The following ISYNA1 variants were observed in gnomAD, a reference collection of about 807,000 sequenced individuals.
ISYNA1 encodes the protein MI-1-P synthase.
A neutral mutation model predicts 50.3 loss-of-function variants in ISYNA1; 34 were observed. The ratio of observed to expected loss-of-function variants is 0.68; its 90% CI spans 0.51 to 0.90. The LOEUF (loss-of-function observed/expected upper bound fraction) is 0.90. Among genes scored for constraint, ISYNA1 ranks in the 40% least tolerant of loss-of-function variants. The probability of loss-of-function intolerance (pLI) is 0.00; values close to 1 mark genes in which losing one functional copy is unlikely to be tolerated. For missense variants in ISYNA1, 718 were observed against 784.8 expected (o/e 0.91, Z 1.02); for synonymous variants, 396 against 349.9 (o/e 1.13, Z -1.47).
chr19:18,435,854 T>G lies in ISYNA1; in HGVS notation c.1043A>C (p.Gln348Pro). Residue 348 changes from glutamine (Q) to proline (P), a missense_variant, in exon 8 of 11, where the codon CAG becomes CCG. Transcript: ENST00000338128. ...CTTGGACACCTCCTTAGAGCGGAAC[T>G]GCAATGGCGCCGATAGGTTCTCCCC... ...NDGENLSAPL[Q>P]FRSKEVSKSN... The G allele has an allele frequency of 6.2e-7, 1 of 1,614,036 alleles. No individual in the cohort carries two copies. The highest frequency in any genetic ancestry group is 8.5e-7 in the Non-Finnish European group (1 of 1,179,954).
Position 18,435,372 on chromosome 19 carries a change from C to A in ISYNA1, c.1366G>T (p.Val456Leu). 3 of 1,611,338 alleles carry A rather than the reference C, an allele frequency of 1.9e-6. No individual in the cohort carries two copies. Among genetic ancestry groups the A allele is most frequent in the Non-Finnish European group, 2.5e-6 (3 of 1,179,982 alleles). Residue 456 changes from valine to leucine, a missense_variant, in exon 10 of 11, where the codon GTG becomes TTG. Physicochemically the swap from Val to Leu is conservative, Grantham distance 32. Transcript: ENST00000338128. ...MDPEPQTFHP[V>L]LSLLSFLFKA... is the part of the protein sequence containing the mutation. The stretch of plus-strand genomic sequence containing the variant: ...AAGAGGAAGCTGAGCAGGGACAGCA[C>A]GGGGTGGAAGGTCTGCGGCTCGGGG...
intron 4 of ISYNA1, 24 bp downstream of exon 4, chr19:18,436,949 A>T: frequency 1.2e-6 from 1 of 861,110 alleles, no homozygotes; most frequent in South Asian, 1.3e-5. Context: ...ATCCCGCCCC[A>T]CCCCGGCCCA....
chr19:18,436,838 C>A lies in ISYNA1; in HGVS notation c.455G>T (p.Arg152Leu). The change falls in exon 5 of 11, where the codon CGG becomes CTG. Residue 152 changes from arginine (R) to leucine (L), a missense_variant. Arg to Leu is a moderately radical substitution (Grantham distance 102). Around this residue, in one of 3 missense-constraint regions of ISYNA1, gnomAD observed 403 missense variants for 466.6 expected, o/e 0.86. Transcript: ENST00000338128. ...ISSLNLAEAM[R>L]RAKVLDWGLQ... ...CCCCCAGTCCAGCACCTTCGCGCGC[C>A]GCATCGCCTCGGCCAGGTTCAGCGA... is the stretch of plus-strand genomic sequence containing the variant. The A allele has an allele frequency of 6.3e-7, 1 of 1,595,984 alleles. No individual in the cohort carries two copies.
chr19:18,437,846 G>A lies in ISYNA1; in HGVS notation c.120+14C>T. Reference sequence around the variant, plus strand: ...TCTCCCCAGCACGCCTCCTTCCTCAGCCCCCTGGTCCACCTTGAGAACGCC... The same window carrying A: ...TCTCCCCAGCACGCCTCCTTCCTCAACCCCCTGGTCCACCTTGAGAACGCC... On this transcript the variant is annotated intron_variant, in intron 2 of 10. Coordinates refer to ENST00000338128, the MANE Select transcript of ISYNA1 (RefSeq NM_016368.5). 6.2e-7 allele frequency: 1 copy of A among 1,610,794 alleles called. No individual in the cohort carries two copies. Among genetic ancestry groups the A allele is most frequent in the Non-Finnish European group, 8.5e-7 (1 of 1,179,628 alleles).
intron 3 of ISYNA1, chr19:18,437,311 A>G: frequency 7.1e-7 from 1 of 1,418,064 alleles, no homozygotes; most frequent in Non-Finnish European, 9.2e-7. Flanking sequence ...AAGACTCCCG[A>G]GGAGTCCCCG....
rs916399550 is a variant in ISYNA1, at chr19:18,438,070, T to A, written c.-10+23A>T. 5.0e-5 allele frequency: 68 copies of A among 1,372,964 alleles called. No homozygotes were observed. In the East Asian group the frequency reaches 1.5e-3, roughly 30 times the overall value. 85.0% of individuals were successfully genotyped at this position (1,372,964 alleles called of 1,614,324 possible). On this transcript the variant is annotated intron_variant, in intron 1 of 10. Coordinates refer to ENST00000338128, the MANE Select transcript of ISYNA1 (RefSeq NM_016368.5). The stretch of plus-strand genomic sequence containing the variant: ...CCAGCCTGGGTCCCCACGGAGGCCG[T>A]CCCTGCCCCGAACCGCACTCACCGG...
At chr19:18,437,211 T>C (rs1974094147) in intron 3 of ISYNA1, 106 bp from the exon 4 acceptor site, 2 of 1,455,392 alleles carry the variant, frequency 1.4e-6, no homozygotes, top group Non-Finnish European at 1.8e-6. Context: ...CTTTCGGGCA[T>C]TTTTCAGTTC....
rs1408567119 is a variant in ISYNA1, at chr19:18,436,364, T to C, written c.725A>G (p.Asn242Ser). The C allele has an allele frequency of 1.9e-6, 3 of 1,612,500 alleles. No homozygotes were observed. Among genetic ancestry groups the C allele is most frequent in the Non-Finnish European group, 1.7e-6 (2 of 1,179,894 alleles). Residue 242 changes from asparagine to serine, a missense_variant, in exon 6 of 11, where the codon AAC (asparagine) becomes AGC (serine). This residue lies in a region of ISYNA1 where 403 missense variants were observed against 466.6 expected (regional missense o/e 0.86). Transcript: ENST00000338128. ...ERFCEVIPGLNDTAENLLRTI... is the reference protein window; with the variant it reads ...ERFCEVIPGLSDTAENLLRTI... ...GCGCAGCAGGTTCTCGGCTGTGTCG[T>C]TGAGGCCTGGAATCACCTCACAGAA...
chr19:18,437,369 C>G (rs1330529626), intron 3 of ISYNA1: 2 of 1,311,844 alleles, frequency 1.5e-6, no homozygotes, highest in Non-Finnish European at 2.0e-6. Flanking sequence ...CCAGGCCCCG[C>G]CCCCTGCAAG....
In ISYNA1 at chr19:18,435,683, T is replaced by A. The variant is rs1366841503; in HGVS notation, c.1141-7A>T. ...GCACATACTTGATGACCACCTGGAG[T>A]GCAGCAGGAGTTTGCCCGGGTCCCT... On this transcript the variant is annotated splice_region_variant and splice_polypyrimidine_tract_variant and intron_variant, in intron 8 of 10. Transcript: ENST00000338128. 6.2e-7 allele frequency: 1 copy of A among 1,611,550 alleles called. No individual in the cohort carries two copies. Among genetic ancestry groups the A allele is most frequent in the Non-Finnish European group, 8.5e-7 (1 of 1,179,284 alleles).
At position 18,437,992 on chromosome 19, in the gene ISYNA1, G is replaced by C. The variant is rs1260592791; in HGVS notation, c.-9-4C>G. On this transcript the variant is annotated splice_polypyrimidine_tract_variant and splice_region_variant and intron_variant, in intron 1 of 10. Coordinates refer to ENST00000338128, the MANE Select transcript of ISYNA1 (RefSeq NM_016368.5). Reference sequence around the variant, plus strand: ...CGGCGGCCTCCATCGCGGCGGGCTGGGGGCCCGGGGTGAGCAGGGGGTCAG... The same window carrying C: ...CGGCGGCCTCCATCGCGGCGGGCTGCGGGCCCGGGGTGAGCAGGGGGTCAG... The C allele has an allele frequency of 1.9e-6, 3 of 1,556,474 alleles. No individual in the cohort carries two copies. Among genetic ancestry groups the C allele is most frequent in the Non-Finnish European group, 1.7e-6 (2 of 1,153,242 alleles).
At chr19:18,435,948 G>A (rs754457067) in intron 7 of ISYNA1, 27 bp from the exon 8 acceptor site, 6 of 1,613,424 alleles carry the variant, frequency 3.7e-6, no homozygotes, top group Non-Finnish European at 5.1e-6. Context: ...AGCCCCAGCA[G>A]CTGCAGGCCC....
Position 18,435,008 on chromosome 19 carries a change from A to ACAT in ISYNA1, c.1579_1581dup (p.Met527dup). The ACAT allele has an allele frequency of 6.2e-7, 1 of 1,613,490 alleles. No homozygotes were observed. The highest frequency in any genetic ancestry group is 1.3e-5 in the African/African-American group (1 of 75,002). On this transcript the variant is annotated inframe_insertion, in exon 11 of 11. Coordinates refer to ENST00000338128, the MANE Select transcript of ISYNA1 (RefSeq NM_016368.5). The stretch of plus-strand genomic sequence containing the variant: ...GCGGGTACCGGTCCTTTCTTGTTCA[A>ACAT]CATAGGGTAGGTGGCAGCCACGGGT...
At position 18,436,057 on chromosome 19, in the gene ISYNA1, T is replaced by C. The variant is rs1568365419; in HGVS notation, c.950A>G (p.Asp317Gly). 1 of 1,613,260 alleles carries C rather than the reference T, an allele frequency of 6.2e-7. No individual in the cohort carries two copies. The highest frequency in any genetic ancestry group is 8.5e-7 in the Non-Finnish European group (1 of 1,179,976). Residue 317 changes from aspartate to glycine, a missense_variant, in exon 7 of 11, where the codon GAC becomes GGC. Physicochemically the swap from Asp to Gly is moderately conservative, Grantham distance 94. Transcript: ENST00000338128. ...GQTKVKSVLV[D>G]FLIGSGLKTM... is the part of the protein sequence containing the mutation. ...CTTGAGGCCGGAGCCAATGAGGAAG[T>C]CCACAAGCACGGACTTGACTTTGGT...
At chr19:18,436,553 TCA>T (rs772460151) in intron 5 of ISYNA1, 74 bp from the exon 6 acceptor site, 6 of 1,597,462 alleles carry the variant, frequency 3.8e-6, no homozygotes, top group East Asian at 2.2e-5. Flanking sequence ...ACTCTCGGAC[TCA>T]CAGAGGCCTG....
Position 18,434,452 on chromosome 19 carries a change from C to T in ISYNA1, c.*461G>A, listed in dbSNP as rs1002787875. 3.0e-6 allele frequency: 3 copies of T among 993,502 alleles called. No homozygotes were observed. Among genetic ancestry groups the T allele is most frequent in the Non-Finnish European group, 4.1e-6 (3 of 732,262 alleles). The allele number at this position is 993,502 out of a possible 1,614,324, so 61.5% of individuals were successfully genotyped here. ...ACGTTCTTTTCTGTATGGACCCTTC[C>T]TGCCATTTGTATTTTGTCCCAGAGA... On this transcript the variant is annotated 3_prime_UTR_variant, in exon 11 of 11. Transcript: ENST00000338128.
At chr19:18,435,516 G>A (rs1178132894) in intron 9 of ISYNA1, 33 bp from the exon 10 acceptor site, 1 of 1,605,958 alleles carries the variant, frequency 6.2e-7, no homozygotes, top group East Asian at 2.2e-5. Context: ...GATGGGGGCG[G>A]TGGCCAAGCC....
chr19:18,435,735 C>G (rs746244619), intron 8 of ISYNA1, 22 bp downstream of exon 8: 5 of 1,610,862 alleles, frequency 3.1e-6, no homozygotes. Context: ...CAACCCCGCG[C>G]CCGCGCCCGC....
In ISYNA1 at chr19:18,437,088, G is replaced by C; in HGVS notation, c.300C>G (p.Gly100=). ...TCACGGTGCCCGCCTGAGTCAGCGA[G>C]CCGTAGTAGTTGGCCTCCTGGGGGT... The part of the protein sequence containing the change: ...RSGRKEANYY[G]SLTQAGTVSL... The change falls in exon 4 of 11, where the codon GGC becomes GGG. Residue 100 remains glycine, a synonymous_variant. Transcript: ENST00000338128. The C allele has an allele frequency of 6.3e-7, 1 of 1,585,638 alleles. No homozygotes were observed. The highest frequency in any genetic ancestry group is 8.6e-7 in the Non-Finnish European group (1 of 1,168,022).
Sources: allele counts gnomAD v4.1 joint callset, GRCh38; gene constraint gnomAD v4.1.1; regional missense constraint gnomAD v4.1.1; transcripts MANE v1.5; gene names NCBI Gene and HGNC (gene_info 2026-07-23, HGNC 2026-07-21).